Variants in FILIP1L observed in about 807,000 individuals in gnomAD.
FILIP1L encodes the protein filamin A interacting protein 1 like, also known as filamin A-interacting protein 1-like.
A neutral mutation model predicts 96.6 loss-of-function variants in FILIP1L; 55 were observed. That is an observed-to-expected ratio of 0.57 (90% CI 0.46 to 0.71). FILIP1L has a LOEUF of 0.71. Ranked by LOEUF, FILIP1L falls within the 30% of genes least tolerant of loss-of-function variation. The probability of loss-of-function intolerance (pLI) is 0.00; values close to 1 mark genes in which losing one functional copy is unlikely to be tolerated. For synonymous variants in FILIP1L, 467 were observed against 473.9 expected, an observed-to-expected ratio of 0.99 and a Z score of 0.19; for missense variants, 1,304 against 1,321.2, an observed-to-expected ratio of 0.99 and a Z score of 0.20.
At chr3:99,915,260 T>C (rs1706916291) in intron 4 of FILIP1L, among the ~76,000 whole-genome samples, 1 of 152,230 alleles carries the variant, frequency 6.6e-6, no homozygotes, top group Non-Finnish European at 1.5e-5. Context: ...GATTAAAATG[T>C]AGCCAACTTT....
chr3:100,105,266 C>A (rs1221414488), intron 1 of FILIP1L, among the ~76,000 whole-genome samples: 1 of 152,104 alleles, frequency 6.6e-6, no homozygotes, highest in Non-Finnish European at 1.5e-5. Flanking sequence ...TTGAAGCTGA[C>A]CATTAATACT....
rs1454107534 is a variant in FILIP1L, at chr3:99,930,881, A to T, written c.140T>A (p.Ile47Lys). ...DKDSPSESDV[I>K]LPCPKAEKPH... Reference sequence around the variant, plus strand: ...CTTCTCTGCCTTGGGACACGGAAGTATTACATCCGACTCACTGGGGGAGTC... The same window carrying T: ...CTTCTCTGCCTTGGGACACGGAAGTTTTACATCCGACTCACTGGGGGAGTC... The change falls in exon 2 of 6, where the codon ATA becomes AAA. Residue 47 changes from isoleucine (I) to lysine (K), a missense_variant. Physicochemically the swap from Ile to Lys is moderately radical, Grantham distance 102. Coordinates refer to ENST00000477258, the MANE Select transcript of FILIP1L (RefSeq NM_001387850.1). The T allele has an allele frequency of 6.2e-7, 1 of 1,612,954 alleles. No individual in the cohort carries two copies.
chr3:100,107,299 C>A (rs2066412083), intron 1 of FILIP1L, among the ~76,000 whole-genome samples: 1 of 152,102 alleles, frequency 6.6e-6, no homozygotes, highest in African/African-American at 2.4e-5. Context: ...GTCATGATTG[C>A]AGTTTTATGA....
intron 4 of FILIP1L, among the ~76,000 whole-genome samples, chr3:99,874,880 T>G (rs889313850): frequency 1.1e-4 from 16 of 152,214 alleles, no homozygotes; most frequent in African/African-American, 2.9e-4. Context: ...CTGTTAAACT[T>G]TTACTGTACC....
At chr3:99,887,135 G>A (rs1195879176) in intron 4 of FILIP1L, among the ~76,000 whole-genome samples, 1 of 152,024 alleles carries the variant, frequency 6.6e-6, no homozygotes, top group Admixed American at 6.6e-5. Flanking sequence ...GCCGGGCATG[G>A]TGGCGTGCCT....
chr3:99,963,774 T>G (rs974590957), intron 1 of FILIP1L, among the ~76,000 whole-genome samples: 1 of 152,024 alleles, frequency 6.6e-6, no homozygotes, highest in Non-Finnish European at 1.5e-5. Flanking sequence ...CACGCCACCA[T>G]GCTCAGCTAA....
intron 4 of FILIP1L, among the ~76,000 whole-genome samples, chr3:99,873,806 C>T (rs997856611): frequency 6.6e-6 from 1 of 152,158 alleles, no homozygotes; most frequent in Non-Finnish European, 1.5e-5. Context: ...TTACTATAGT[C>T]TCCATCACAG....
chr3:99,882,727 A>G (rs894413587), intron 4 of FILIP1L, among the ~76,000 whole-genome samples: 9 of 152,204 alleles, frequency 5.9e-5, no homozygotes, highest in African/African-American at 1.9e-4. Flanking sequence ...TGGCACAAAC[A>G]GTGTGATTAG....
Position 99,946,704 on chromosome 3 carries a change from A to C in FILIP1L, c.-10-15674T>G, listed in dbSNP as rs546792907. On this transcript the variant is annotated intron_variant, in intron 1 of 5. Coordinates refer to ENST00000477258, the MANE Select transcript of FILIP1L (RefSeq NM_001387850.1). ...GGTATTTGAGGGATGATTGTAGTTT[A>C]ACGTGGTGGTGGCTACATCTGGAGG... 2.1e-4 allele frequency among the ~76,000 whole-genome samples: 32 copies of C among 152,354 alleles called. 1 individual carries two copies. The highest frequency in any genetic ancestry group is 6.3e-4 in the African/African-American group (26 of 41,594).
At chr3:100,013,570 G>T (rs1164673941) in intron 1 of FILIP1L, among the ~76,000 whole-genome samples, 8 of 152,092 alleles carry the variant, frequency 5.3e-5, no homozygotes, top group Admixed American at 2.0e-4. Context: ...TAGATAAAAA[G>T]TATGTAGAGA....
intron 1 of FILIP1L, among the ~76,000 whole-genome samples, chr3:100,055,014 T>C (rs2065440342): frequency 6.6e-6 from 1 of 152,122 alleles, no homozygotes; most frequent in East Asian, 1.9e-4. Context: ...TCATCTCTGC[T>C]TCCGTGCTTT....
intron 1 of FILIP1L, among the ~76,000 whole-genome samples, chr3:99,942,660 C>T (rs1335767275): frequency 2.6e-5 from 4 of 151,896 alleles, no homozygotes; most frequent in Non-Finnish European, 5.9e-5. Flanking sequence ...GGTGAAACCC[C>T]GTCTCTACTA....
At chr3:100,045,458 T>C (rs1274553663) in intron 1 of FILIP1L, among the ~76,000 whole-genome samples, 5 of 152,206 alleles carry the variant, frequency 3.3e-5, no homozygotes, top group Admixed American at 6.5e-5. Context: ...AACCATTAGC[T>C]TTCATTGTGC....
At chr3:100,069,289 T>C (rs1214128634) in intron 1 of FILIP1L, among the ~76,000 whole-genome samples, 1 of 151,768 alleles carries the variant, frequency 6.6e-6, no homozygotes, top group African/African-American at 2.4e-5. Context: ...CTCTTCATCC[T>C]GTTGTAGGCA....
chr3:99,973,593 G>T (rs1241336317), intron 1 of FILIP1L, among the ~76,000 whole-genome samples: 1 of 152,044 alleles, frequency 6.6e-6, no homozygotes, highest in Non-Finnish European at 1.5e-5. Flanking sequence ...CCTCCCTTCA[G>T]ATCTTATAGA....
intron 1 of FILIP1L, among the ~76,000 whole-genome samples, chr3:99,932,430 GAA>G (rs1359454137): frequency 6.6e-6 from 1 of 151,696 alleles, no homozygotes; most frequent in Non-Finnish European, 1.5e-5. Context: ...ATTGCTGTAA[GAA>G]TATTTCATTA....
intron 1 of FILIP1L, chr3:100,025,349 C>T (rs1385559313): frequency 6.6e-6 from 1 of 152,104 alleles, no homozygotes. Flanking sequence ...ATTCACAAAC[C>T]GTATTTGCTA....
chr3:99,916,992 T>C (rs1706973773), intron 4 of FILIP1L, among the ~76,000 whole-genome samples: 1 of 152,224 alleles, frequency 6.6e-6, no homozygotes, highest in African/African-American at 2.4e-5. Context: ...GGCAAAAATT[T>C]CTATTTTGAT....
At chr3:100,053,806 T>A (rs1210024542) in intron 1 of FILIP1L, among the ~76,000 whole-genome samples, 1 of 152,254 alleles carries the variant, frequency 6.6e-6, no homozygotes, top group Non-Finnish European at 1.5e-5. Flanking sequence ...AATTCTTTAG[T>A]GACTGCCACA....
Sources: gnomAD v4.1 joint callset for allele counts (sites outside exome capture counted in the v4.1 genomes callset) on GRCh38, gnomAD v4.1.1 for gene constraint, MANE v1.5 for transcripts, NCBI Gene and HGNC (gene_info 2026-07-23, HGNC 2026-07-21) for gene names.